The following PPME1 variants were observed in gnomAD, a reference collection of about 807,000 sequenced individuals.
PPME1 encodes testicular secretory protein Li 39.
Under a neutral mutation model 56.9 loss-of-function variants are expected in PPME1, and 17 were observed. That is an observed-to-expected ratio of 0.30 (90% CI 0.20 to 0.45). The LOEUF is 0.45. Among genes scored for constraint, PPME1 ranks in the 20% least tolerant of loss-of-function variants. The pLI is 1.00. For synonymous variants in PPME1, 122 were observed against 156.2 expected (o/e 0.78, Z 1.63); for missense variants, 357 against 483.2 (o/e 0.74, Z 2.45).
At chr11:74,211,375 G>T (rs565261791) in intron 3 of PPME1, among the ~76,000 whole-genome samples, 1 of 152,056 alleles carries the variant, frequency 6.6e-6, no homozygotes, top group African/African-American at 2.4e-5. Context: ...TGGTCTTTCA[G>T]ATACCAAAAC....
At chr11:74,220,593 T>C (rs1858772794) in intron 3 of PPME1, among the ~76,000 whole-genome samples, 1 of 152,214 alleles carries the variant, frequency 6.6e-6, no homozygotes, top group South Asian at 2.1e-4. Context: ...AAAATGCCCT[T>C]ATCTGTAAAA....
chr11:74,244,544 T>C (rs554610958), intron 9 of PPME1, among the ~76,000 whole-genome samples: 2 of 152,344 alleles, frequency 1.3e-5, no homozygotes, highest in South Asian at 4.2e-4. Context: ...CATATGCTTA[T>C]TGGCCACTTC....
At chr11:74,226,194 A>C (rs936248256) in intron 5 of PPME1, among the ~76,000 whole-genome samples, 2 of 152,222 alleles carry the variant, frequency 1.3e-5, no homozygotes, top group East Asian at 3.8e-4. Context: ...TAAACTAAGC[A>C]TTTATTAATA....
At chr11:74,185,944 G>A (rs1363308352) in intron 1 of PPME1, among the ~76,000 whole-genome samples, 2 of 152,064 alleles carry the variant, frequency 1.3e-5, no homozygotes, top group East Asian at 3.9e-4. Context: ...GTGAGGTAAG[G>A]TTTCATTTAT....
intron 3 of PPME1, among the ~76,000 whole-genome samples, chr11:74,209,726 T>C (rs1434694483): frequency 6.6e-6 from 1 of 152,208 alleles, no homozygotes; most frequent in Non-Finnish European, 1.5e-5. Flanking sequence ...ATATTTGACA[T>C]CTTATGGAGT....
intron 1 of PPME1, among the ~76,000 whole-genome samples, chr11:74,180,677 T>C (rs957510255): frequency 3.3e-5 from 5 of 152,368 alleles, no homozygotes; most frequent in African/African-American, 1.2e-4. Flanking sequence ...CTTGTTACTT[T>C]TATTTTATCA....
At chr11:74,211,375 G>A (rs565261791) in intron 3 of PPME1, among the ~76,000 whole-genome samples, 49 of 152,056 alleles carry the variant, frequency 3.2e-4, no homozygotes, top group Non-Finnish European at 5.6e-4. Context: ...TGGTCTTTCA[G>A]ATACCAAAAC....
Position 74,206,846 on chromosome 11 carries a change from C to T in PPME1, c.288+2401C>T, listed in dbSNP as rs577519586. Among the ~76,000 whole-genome samples, 306 of 152,244 alleles carry T rather than the reference C, an allele frequency of 2.0e-3. 1 individual carries two copies. Among genetic ancestry groups the T allele is most frequent in the African/African-American group, 7.2e-3 (298 of 41,534 alleles). On this transcript the variant is annotated intron_variant, in intron 3 of 13. Transcript: ENST00000328257. ...CCTTGCAAAGTGCTGAGAATACAGG[C>T]GTGAGCCACCAAGCCTGCCCTTCAA...
At chr11:74,202,259 C>T (rs965974036) in intron 1 of PPME1, among the ~76,000 whole-genome samples, 2 of 152,190 alleles carry the variant, frequency 1.3e-5, no homozygotes, top group Middle Eastern at 3.4e-3. Flanking sequence ...CTTTAAAAAT[C>T]CTCAGGGCTC....
chr11:74,217,497 A>T (rs1339478460), intron 3 of PPME1, among the ~76,000 whole-genome samples: 1 of 145,190 alleles, frequency 6.9e-6, no homozygotes, highest in Non-Finnish European at 1.5e-5. Context: ...AGCCAGGATC[A>T]TGCCGCTGCC....
At chr11:74,198,845 G>A (rs1241974090) in intron 1 of PPME1, 1 of 152,018 alleles carries the variant, frequency 6.6e-6, no homozygotes, top group African/African-American at 2.4e-5. Flanking sequence ...AGGGTGTTAC[G>A]GCCATAGACT....
At chr11:74,206,168 GC>G (rs1448712100) in intron 3 of PPME1, among the ~76,000 whole-genome samples, 1 of 152,096 alleles carries the variant, frequency 6.6e-6, no homozygotes, top group Non-Finnish European at 1.5e-5. Context: ...AAATTCCATG[GC>G]TTATTATGCC....
chr11:74,208,433 C>T (rs560761265), intron 3 of PPME1, among the ~76,000 whole-genome samples: 2 of 152,222 alleles, frequency 1.3e-5, no homozygotes, highest in East Asian at 3.9e-4. Flanking sequence ...GAGAATTAAA[C>T]ATATGTTCCA....
At chr11:74,177,882 ATTAC>A (rs1414074019) in intron 1 of PPME1, among the ~76,000 whole-genome samples, 2 of 152,226 alleles carry the variant, frequency 1.3e-5, no homozygotes, top group East Asian at 3.8e-4. Context: ...TCAATCTAAT[ATTAC>A]TTAAATTCAA....
intron 4 of PPME1, among the ~76,000 whole-genome samples, chr11:74,224,795 G>A (rs1448272176): frequency 6.7e-6 from 1 of 150,180 alleles, no homozygotes; most frequent in Non-Finnish European, 1.5e-5. Flanking sequence ...CATTGATTTT[G>A]TATCCTGAGA....
intron 4 of PPME1, among the ~76,000 whole-genome samples, chr11:74,223,189 G>C (rs986188260): frequency 6.6e-6 from 1 of 151,220 alleles, no homozygotes; most frequent in African/African-American, 2.4e-5. Context: ...GAGAATATGC[G>C]GTGTTTGGTT....
chr11:74,180,988 T>C (rs887463232), intron 1 of PPME1, among the ~76,000 whole-genome samples: 3 of 152,016 alleles, frequency 2.0e-5, no homozygotes, highest in African/African-American at 7.2e-5. Flanking sequence ...CACTTAACAA[T>C]TGCCAAGTTT....
chr11:74,178,263 C>G (rs895527022), intron 1 of PPME1, among the ~76,000 whole-genome samples: 1 of 152,222 alleles, frequency 6.6e-6, no homozygotes, highest in African/African-American at 2.4e-5. Flanking sequence ...CCTTTCCTAG[C>G]TAAGCTTGTC....
chr11:74,207,974 A>G (rs1057164525), intron 3 of PPME1, among the ~76,000 whole-genome samples: 1 of 152,196 alleles, frequency 6.6e-6, no homozygotes, highest in Non-Finnish European at 1.5e-5. Context: ...TTTACTGAGT[A>G]TATTCTATAT....
Sources: gnomAD v4.1 joint callset for allele counts (sites outside exome capture counted in the v4.1 genomes callset) on GRCh38, gnomAD v4.1.1 for gene constraint, MANE v1.5 for transcripts, NCBI Gene and HGNC (gene_info 2026-07-23, HGNC 2026-07-21) for gene names.